PRMT8: variants seen among roughly 807,000 people sequenced by gnomAD.
The protein encoded by PRMT8 is protein arginine methyltransferase 8, also known as protein arginine N-methyltransferase 8.
In PRMT8, 7 loss-of-function variants were observed where a neutral mutation model predicts 47.1. That is an observed-to-expected ratio of 0.15 (90% confidence interval 0.08 to 0.28). The LOEUF is 0.28. Ranked by LOEUF, PRMT8 falls within the 10% of genes least tolerant of loss-of-function variation. The pLI is 1.00. For missense variants in PRMT8, 237 were observed against 505.4 expected, an observed-to-expected ratio of 0.47 and a Z score of 5.09; for synonymous variants, 188 against 186.5, an observed-to-expected ratio of 1.01 and a Z score of -0.07.
intron 1 of PRMT8, among the ~76,000 whole-genome samples, chr12:3,406,260 T>G (rs1277784213): frequency 6.6e-6 from 1 of 152,236 alleles, no homozygotes; most frequent in Non-Finnish European, 1.5e-5. Context: ...GGCCCTGAAC[T>G]TGGCCCACAA....
intron 1 of PRMT8, among the ~76,000 whole-genome samples, chr12:3,461,124 C>A (rs748812801): frequency 6.6e-6 from 1 of 152,180 alleles, no homozygotes; most frequent in Non-Finnish European, 1.5e-5. Flanking sequence ...TTCTTAGATA[C>A]CTCCTCTGTC....
chr12:3,454,159 C>T (rs186813120), intron 1 of PRMT8, among the ~76,000 whole-genome samples: 1 of 152,182 alleles, frequency 6.6e-6, no homozygotes. Context: ...TCTCTTCACT[C>T]TCCTGCAGCT....
At chr12:3,489,633 G>T (rs1357426456), upstream of PRMT8, among the ~76,000 whole-genome samples, 1 of 152,048 alleles carries the variant, frequency 6.6e-6, no homozygotes, top group Non-Finnish European at 1.5e-5. Context: ...TAGGATAAAA[G>T]TCATTCTCCA....
chr12:3,429,230 T>C (rs1320726074), intron 1 of PRMT8, among the ~76,000 whole-genome samples: 1 of 152,194 alleles, frequency 6.6e-6, no homozygotes, highest in Non-Finnish European at 1.5e-5. Flanking sequence ...GGTTACCTTG[T>C]GCCATACCTT....
chr12:3,484,727 A>T (rs2137104138), intron 1 of PRMT8, among the ~76,000 whole-genome samples: 1 of 152,264 alleles, frequency 6.6e-6, no homozygotes, highest in Non-Finnish European at 1.5e-5. Context: ...CATCTCACTT[A>T]CTTCCTCTCT....
In PRMT8 at chr12:3,550,267, C is replaced by T; in HGVS notation, c.417+176C>T. The T allele has an allele frequency of 1.4e-6, 1 of 697,500 alleles. No individual in the cohort carries two copies. Among genetic ancestry groups the T allele is most frequent in the East Asian group, 2.8e-5 (1 of 36,190 alleles). The allele number at this position is 697,500 out of a possible 1,614,324, so 43.2% of individuals were successfully genotyped here. On this transcript the variant is annotated intron_variant, in intron 3 of 9. Coordinates refer to ENST00000382622, the MANE Select transcript of PRMT8 (RefSeq NM_019854.5). This position sits in a 1 kb window ranked among gnomAD's most constrained non-coding sequence, Gnocchi z 5.1. ...TCAGGAAGGGGAGCAGGCTGCCTGT[C>T]CCCTGTGCATGGCTCCTGGATCCTT...
In PRMT8 at chr12:3,474,418, G is replaced by A. The variant is rs1394116307; in HGVS notation, c.49-66188G>A. ...TCCATTTGCCTTTTTCTCTGCTGCA[G>A]CCACCCAGCATGCGGGACCCATGGT... On this transcript the variant is annotated intron_variant, in intron 1 of 9. Coordinates refer to the PRMT8 transcript ENST00000452611. Among the ~76,000 whole-genome samples, 3 of 152,094 alleles carry A rather than the reference G, an allele frequency of 2.0e-5. No homozygotes were observed. In the East Asian group the frequency reaches 5.8e-4, roughly 29 times the overall value.
chr12:3,555,473 G>T (rs1231832604), intron 4 of PRMT8, among the ~76,000 whole-genome samples: 1 of 152,228 alleles, frequency 6.6e-6, no homozygotes, highest in Non-Finnish European at 1.5e-5. Flanking sequence ...ATGCCGTGTG[G>T]CCAGGGCATG....
In PRMT8 at chr12:3,583,003, CCCAGA is replaced by C; in HGVS notation, c.829-53_829-49del. On this transcript the variant is annotated intron_variant, in intron 7 of 9. Coordinates refer to ENST00000382622, the MANE Select transcript of PRMT8 (RefSeq NM_019854.5). This position sits in a 1 kb window ranked among gnomAD's most constrained non-coding sequence, Gnocchi z 4.7. ...CACAGAACGAGGCTGCTGACCGGGA[CCCAGA>C]CTTGGTGGAGGCGATAAGTTCCCGG... The C allele has an allele frequency of 6.3e-7, 1 of 1,584,288 alleles. No individual in the cohort carries two copies. The highest frequency in any genetic ancestry group is 8.6e-7 in the Non-Finnish European group (1 of 1,163,222).
In PRMT8 at chr12:3,567,340, G is replaced by T. The variant is rs80330571; in HGVS notation, c.482-1366G>T. On this transcript the variant is annotated intron_variant, in intron 4 of 9. Transcript: ENST00000382622. ...GTACAGCTAATGGTGAGAAGATCTG[G>T]CACTTAAACCTAGGTTTCCCTGACT... is the stretch of plus-strand genomic sequence containing the variant. Among the ~76,000 whole-genome samples the T allele has an allele frequency of 2.0e-3, 305 of 152,326 alleles. 4 individuals are homozygous for T. The highest frequency in any genetic ancestry group is 6.8e-3 in the African/African-American group (283 of 41,562).
intron 1 of PRMT8, among the ~76,000 whole-genome samples, chr12:3,445,438 C>A (rs2137076488): frequency 6.6e-6 from 1 of 152,342 alleles, no homozygotes; most frequent in East Asian, 1.9e-4. Flanking sequence ...AATGCCATAT[C>A]AGCTACTGCT....
At chr12:3,471,511 G>A (rs1043522892) in intron 1 of PRMT8, among the ~76,000 whole-genome samples, 1 of 151,796 alleles carries the variant, frequency 6.6e-6, no homozygotes, top group Non-Finnish European at 1.5e-5. Context: ...TCAGGGCTCC[G>A]AGGATCTGGT....
intron 1 of PRMT8, chr12:3,381,497 G>A (rs977086686): frequency 2.6e-6 from 4 of 1,513,746 alleles, no homozygotes; most frequent in Non-Finnish European, 2.7e-6. Context: ...AAGTGAAATA[G>A]TGCAATTTAT....
Position 3,540,613 on chromosome 12 carries a change from G to GGCCCCCCCCCCCCCC in PRMT8, c.83_84insGCCCCCCCCCCCCCC (p.Ser28delinsArgProProProProPro). 8 of 1,130,522 alleles carry GGCCCCCCCCCCCCCC rather than the reference G, an allele frequency of 7.1e-6. No individual in the cohort carries two copies. Among genetic ancestry groups the GGCCCCCCCCCCCCCC allele is most frequent in the Non-Finnish European group, 1.1e-5 (8 of 752,492 alleles). 70.0% of individuals were successfully genotyped at this position (1,130,522 alleles called of 1,614,324 possible). Reference sequence around the variant, plus strand: ...CCCTTCTCTTCCCCTCAGGTGAACAGCCCCCCCTCCCAGCCCCCCCAGCCC... The same window carrying GGCCCCCCCCCCCCCC: ...CCCTTCTCTTCCCCTCAGGTGAACAGGCCCCCCCCCCCCCCCCCCCCCTCCCAGCCCCCCCAGCCC... On this transcript the variant is annotated protein_altering_variant, in exon 2 of 10. Coordinates refer to ENST00000382622, the MANE Select transcript of PRMT8 (RefSeq NM_019854.5).
chr12:3,457,733 T>C (rs1033875508), intron 1 of PRMT8, among the ~76,000 whole-genome samples: 2 of 151,750 alleles, frequency 1.3e-5, no homozygotes, highest in Non-Finnish European at 2.9e-5. Flanking sequence ...AATACCATTA[T>C]AGCGAAGAAT....
rs1025983916 is a variant in PRMT8 at position 3,514,579 on chromosome 12, C to A, written c.75+22879C>A. ...CTTTTTTCTGAGTGTGCCAGCATCCCACATGTGCCCTTCCAGTTCACTCTG... is the reference window on the plus strand; with the variant it reads ...CTTTTTTCTGAGTGTGCCAGCATCCAACATGTGCCCTTCCAGTTCACTCTG... On this transcript the variant is annotated intron_variant, in intron 1 of 9. Coordinates refer to ENST00000382622, the MANE Select transcript of PRMT8 (RefSeq NM_019854.5). The surrounding 1 kb of genome is among the most constrained non-coding windows in gnomAD (Gnocchi z 5.9). Among the ~76,000 whole-genome samples, 5 of 152,170 alleles carry A rather than the reference C, an allele frequency of 3.3e-5. No individual in the cohort carries two copies. The highest frequency in any genetic ancestry group is 6.5e-5 in the Admixed American group (1 of 15,280).
At chr12:3,411,407 A>G (rs1864428392) in intron 1 of PRMT8, among the ~76,000 whole-genome samples, 1 of 152,178 alleles carries the variant, frequency 6.6e-6, no homozygotes, top group Non-Finnish European at 1.5e-5. Context: ...ATATTGTTGT[A>G]TGTTGTCCAG....
intron 1 of PRMT8, among the ~76,000 whole-genome samples, chr12:3,475,147 G>T (rs1418183838): frequency 6.6e-6 from 1 of 152,182 alleles, no homozygotes; most frequent in Non-Finnish European, 1.5e-5. Context: ...GGAGGCGGCT[G>T]GGCCCTCACT....
At chr12:3,558,443 C>T (rs759288041) in intron 4 of PRMT8, among the ~76,000 whole-genome samples, 1 of 152,206 alleles carries the variant, frequency 6.6e-6, no homozygotes, top group African/African-American at 2.4e-5. Flanking sequence ...ATGCAACCAT[C>T]AAAGTCAGGA....
Sources: gnomAD v4.1 joint callset for allele counts (sites outside exome capture counted in the v4.1 genomes callset) on GRCh38, gnomAD v4.1.1 for gene constraint, Gnocchi (gnomAD v3.1) non-coding constraint, MANE v1.5 for transcripts, NCBI Gene and HGNC (gene_info 2026-07-23, HGNC 2026-07-21) for gene names.